BANP: variants seen among roughly 807,000 people sequenced by gnomAD.
BANP encodes BTG3 associated nuclear protein, also known as protein BANP.
In BANP, 11 loss-of-function variants were observed where a neutral mutation model predicts 68.1. The observed-to-expected ratio is 0.16, with a 90% CI of 0.10 to 0.27. The LOEUF (loss-of-function observed/expected upper bound fraction) is 0.27, where lower values mean the gene tolerates loss of function less well. Ranked by LOEUF, BANP falls within the 10% of genes least tolerant of loss-of-function variation. The probability of loss-of-function intolerance (pLI) is 1.00; values close to 1 mark genes in which losing one functional copy is unlikely to be tolerated. For synonymous variants in BANP, 329 were observed against 303.2 expected (o/e 1.09, Z -0.88); for missense variants, 504 against 722.7 (o/e 0.70, Z 3.47).
intron 2 of BANP, 58 bp downstream of exon 2, chr16:87,975,243 A>C: frequency 1.3e-6 from 2 of 1,524,332 alleles, no homozygotes; most frequent in African/African-American, 2.7e-5. Flanking sequence ...CAAAAACCAA[A>C]AGCTGCTCCA....
intron 11 of BANP, among the ~76,000 whole-genome samples, chr16:88,047,698 G>A (rs779169372): frequency 4.6e-5 from 7 of 152,178 alleles, no homozygotes; most frequent in Non-Finnish European, 8.8e-5. Flanking sequence ...ACCCAGAACA[G>A]CTGTTCTCCC....
intron 7 of BANP, among the ~76,000 whole-genome samples, chr16:88,019,436 A>G (rs969722651): frequency 1.3e-5 from 2 of 151,904 alleles, no homozygotes; most frequent in Non-Finnish European, 2.9e-5. Context: ...GCCTCCGGCA[A>G]TCTGGGCTCT....
intron 4 of BANP, among the ~76,000 whole-genome samples, chr16:87,990,498 T>C (rs755992260): frequency 7.9e-5 from 12 of 152,210 alleles, no homozygotes; most frequent in Non-Finnish European, 1.8e-4. Context: ...CAAGAGGTCT[T>C]GGCCAGGGTA....
chr16:88,053,868 T>TCC (rs2084108409), intron 11 of BANP, among the ~76,000 whole-genome samples: 1 of 88,298 alleles, frequency 1.1e-5, no homozygotes, highest in Non-Finnish European at 2.6e-5. Flanking sequence ...CCTCCTTCAC[T>TCC]ATCATCACCA....
chr16:88,002,934 C>T lies in BANP; in HGVS notation c.363-1361C>T, dbSNP rs112104304. Among the ~76,000 whole-genome samples, 866 of 152,120 alleles carry T rather than the reference C, an allele frequency of 5.7e-3. 10 individuals carry two copies. Among genetic ancestry groups the T allele is most frequent in the African/African-American group, 0.019 (791 of 41,504 alleles). On this transcript the variant is annotated intron_variant, in intron 4 of 13. Coordinates refer to ENST00000682872, the MANE Select transcript of BANP (RefSeq NM_001386991.1). The surrounding 1 kb of genome is among the most constrained non-coding windows in gnomAD (Gnocchi z 4.6). Reference sequence around the variant, plus strand: ...TGGACATGCTGTGAGCCTAGGATCCCGGGGACACCAGCCTTCCCACATGCT... The same window carrying T: ...TGGACATGCTGTGAGCCTAGGATCCTGGGGACACCAGCCTTCCCACATGCT...
intron 11 of BANP, among the ~76,000 whole-genome samples, chr16:88,054,793 G>C (rs927295027): frequency 1.2e-4 from 18 of 152,212 alleles, no homozygotes; most frequent in African/African-American, 4.1e-4. Flanking sequence ...GCCTTGAGTA[G>C]TAGCTTAGGT....
At chr16:87,982,278 C>G (rs1465940431) in intron 3 of BANP, among the ~76,000 whole-genome samples, 3 of 152,132 alleles carry the variant, frequency 2.0e-5, no homozygotes, top group African/African-American at 7.2e-5. Flanking sequence ...AGGGTGGGCC[C>G]CCGGTTGAAT....
At chr16:88,015,724 A>AGCTACCAGGC (rs1287512753) in intron 6 of BANP, among the ~76,000 whole-genome samples, 2 of 152,228 alleles carry the variant, frequency 1.3e-5, no homozygotes, top group Non-Finnish European at 2.9e-5. Context: ...GCGCTCCAGG[A>AGCTACCAGGC]GCTACCAGGC....
intron 11 of BANP, among the ~76,000 whole-genome samples, chr16:88,052,820 T>TCA (rs2083586945): frequency 6.7e-6 from 1 of 148,746 alleles, no homozygotes; most frequent in African/African-American, 2.5e-5. Context: ...ACTACCGCCT[T>TCA]CACCACTGTC....
At position 88,064,522 on chromosome 16, in the gene BANP, T is replaced by C. The variant is rs2087887391; in HGVS notation, c.1312-745T>C. Among the ~76,000 whole-genome samples the C allele has an allele frequency of 6.6e-6, 1 of 152,244 alleles. No homozygotes were observed. On this transcript the variant is annotated intron_variant, in intron 11 of 13. Coordinates refer to ENST00000682872, the MANE Select transcript of BANP (RefSeq NM_001386991.1). This position sits in a 1 kb window ranked among gnomAD's most constrained non-coding sequence, Gnocchi z 4.5. ...CGGACAGATGCTCCCAGGATGCGGC[T>C]AGGCGTCCAGGCCAGCATCGGGTTG...
chr16:87,968,078 G>A (rs920357679), intron 1 of BANP, among the ~76,000 whole-genome samples: 16 of 136,630 alleles, frequency 1.2e-4, no homozygotes, highest in African/African-American at 4.7e-4. Flanking sequence ...AGGTTTTTTT[G>A]CCTTTTTTTT....
intron 12 of BANP, among the ~76,000 whole-genome samples, 174 bp downstream of exon 12, chr16:88,065,506 C>G (rs2088279146): frequency 6.6e-6 from 1 of 152,190 alleles, no homozygotes; most frequent in African/African-American, 2.4e-5. Flanking sequence ...TAAAGTAACA[C>G]CTAAACAGGG....
At chr16:88,030,214 C>G (rs2077857907) in intron 8 of BANP, among the ~76,000 whole-genome samples, 1 of 152,134 alleles carries the variant, frequency 6.6e-6, no homozygotes, top group Admixed American at 6.5e-5. Flanking sequence ...TCCAGAGTAG[C>G]AGGAAGCAGG....
intron 9 of BANP, 58 bp downstream of exon 9, chr16:88,033,303 A>C (rs1379614491): frequency 1.4e-6 from 2 of 1,459,112 alleles, no homozygotes; most frequent in African/African-American, 2.8e-5. Flanking sequence ...GGGCCACGGC[A>C]GGGCCATGGC....
chr16:87,978,862 C>T (rs1043910897), intron 2 of BANP, among the ~76,000 whole-genome samples: 2 of 152,236 alleles, frequency 1.3e-5, no homozygotes, highest in African/African-American at 4.8e-5. Context: ...AGGTGATCGT[C>T]ACGGCTTCCC....
At chr16:87,964,714 T>A (rs1194104010) in intron 1 of BANP, among the ~76,000 whole-genome samples, 8 of 84,510 alleles carry the variant, frequency 9.5e-5, no homozygotes, top group African/African-American at 4.3e-4. Context: ...GACGGCCGTA[T>A]GTGAGCAGGT....
chr16:87,965,327 A>G (rs1023017833), intron 1 of BANP, among the ~76,000 whole-genome samples: 2 of 152,092 alleles, frequency 1.3e-5, no homozygotes, highest in African/African-American at 4.8e-5. Context: ...GAGCACTGAA[A>G]ATGGAGACCG....
intron 7 of BANP, among the ~76,000 whole-genome samples, chr16:88,024,512 C>G (rs185020220): frequency 6.6e-6 from 1 of 152,252 alleles, no homozygotes; most frequent in Non-Finnish European, 1.5e-5. Flanking sequence ...CTGTTAAGTG[C>G]GGCTGCTCAG....
intron 4 of BANP, among the ~76,000 whole-genome samples, chr16:87,992,551 T>C (rs1439987982): frequency 6.6e-6 from 1 of 152,196 alleles, no homozygotes; most frequent in African/African-American, 2.4e-5. Context: ...CCCAGCACTT[T>C]GGGAGGCTGA....
Sources: gnomAD v4.1 joint callset for allele counts (sites outside exome capture counted in the v4.1 genomes callset) on GRCh38, gnomAD v4.1.1 for gene constraint, Gnocchi (gnomAD v3.1) non-coding constraint, MANE v1.5 for transcripts, NCBI Gene and HGNC (gene_info 2026-07-23, HGNC 2026-07-21) for gene names.